COL18A1: variants seen among roughly 807,000 people sequenced by gnomAD.
COL18A1 encodes the protein collagen alpha-1(XVIII) chain.
In COL18A1, 133 loss-of-function variants were observed where a neutral mutation model predicts 168.0. The ratio of observed to expected loss-of-function variants is 0.79; its 90% CI spans 0.69 to 0.91. COL18A1 has a LOEUF of 0.91. COL18A1 is among the 40% of genes least tolerant of loss of function. COL18A1 has a pLI of 0.00. For missense variants in COL18A1, 2,126 were observed against 1,925.4 expected (o/e 1.10, Z -1.95); for synonymous variants, 949 against 809.0 (o/e 1.17, Z -2.94).
chr21:45,480,982 C>T (rs1019778917), intron 13 of COL18A1, 124 bp downstream of exon 13: 20 of 1,386,192 alleles, frequency 1.4e-5, no homozygotes, highest in Middle Eastern at 2.4e-4. Flanking sequence ...CACCTCATCT[C>T]CTCTAGGAGC....
chr21:45,437,649 CCTG>C (rs1212488668), intron 2 of COL18A1, among the ~76,000 whole-genome samples: 1 of 74,142 alleles, frequency 1.3e-5, no homozygotes, highest in Non-Finnish European at 2.5e-5. Flanking sequence ...CAGGCACTCT[CCTG>C]CACACACACA....
chr21:45,504,280 A>G, intron 33 of COL18A1, 136 bp from the exon 34 acceptor site: 1 of 954,994 alleles, frequency 1.0e-6, no homozygotes, highest in Non-Finnish European at 1.6e-6. Context: ...GTCGAGCCCT[A>G]TTCTATGCAG....
rs543505298 is a variant in COL18A1, at chr21:45,472,019, C to T, written c.652-1876C>T. On this transcript the variant is annotated intron_variant, in intron 3 of 41. Transcript: ENST00000651438. ...CCCCCACCCAGGCACCCTGTAGCCC[C>T]GTGCAGGAGGCGTCGGCCCCTCGGG... Among the ~76,000 whole-genome samples, 5 of 152,174 alleles carry T rather than the reference C, an allele frequency of 3.3e-5. No homozygotes were observed. The South Asian group carries it at 1.0e-3, about 31-fold the overall frequency.
chr21:45,458,652 A>T (rs1439111003), intron 2 of COL18A1, among the ~76,000 whole-genome samples: 2 of 152,128 alleles, frequency 1.3e-5, no homozygotes, highest in Admixed American at 1.3e-4. Context: ...GACTGGAGGG[A>T]CCCGGGTCCG....
intron 33 of COL18A1, 44 bp from the exon 34 acceptor site, chr21:45,504,372 G>A (rs756858761): frequency 2.5e-6 from 4 of 1,591,412 alleles, no homozygotes; most frequent in Non-Finnish European, 3.4e-6. Flanking sequence ...CCTGTGGCTT[G>A]TAGGGGTTCA....
At position 45,468,865 on chromosome 21, in the gene COL18A1, C is replaced by T. The variant is rs891806664; in HGVS notation, c.651+79C>T. ...GTGGGGGTGGCCACTGGGACAGGGA[C>T]GGAGCTGTGGCCGGAAGAGGAGAGC... is the stretch of plus-strand genomic sequence containing the variant. On this transcript the variant is annotated intron_variant, in intron 3 of 41. Transcript: ENST00000651438. 3.7e-5 allele frequency: 51 copies of T among 1,387,252 alleles called. 1 individual carries two copies. The South Asian group carries it at 4.0e-4, about 11-fold the overall frequency. The allele number at this position is 1,387,252 out of a possible 1,614,324, so 85.9% of individuals were successfully genotyped here. A position where few individuals can be genotyped will look rare whatever the true frequency, so the allele number is the denominator to read the frequency against.
intron 9 of COL18A1, among the ~76,000 whole-genome samples, chr21:45,479,463 G>A (rs1256138776): frequency 1.3e-5 from 2 of 151,960 alleles, no homozygotes; most frequent in Non-Finnish European, 2.9e-5. Context: ...CATACCACAC[G>A]TGGATACACA....
At chr21:45,488,387 C>T (rs1407028769) in intron 17 of COL18A1, 31 bp from the exon 18 acceptor site, 4 of 1,613,630 alleles carry the variant, frequency 2.5e-6, no homozygotes, top group South Asian at 1.1e-5. Flanking sequence ...CCTCCAGCTG[C>T]ACTAACACTG....
Position 45,455,910 on chromosome 21 carries a change from T to C in COL18A1, c.107-12332T>C, listed in dbSNP as rs979909932. 1 of 1,613,080 alleles carries C rather than the reference T, an allele frequency of 6.2e-7. No individual in the cohort carries two copies. Among genetic ancestry groups the C allele is most frequent in the Non-Finnish European group, 8.5e-7 (1 of 1,180,016 alleles). On this transcript the variant is annotated intron_variant, in intron 2 of 41. Transcript: ENST00000651438. Reference sequence around the variant, plus strand: ...AAAGGCATCCGGAGCTTCGTCCAGCTGTGGAATGACACTGTCCCCACTGAG... The same window carrying C: ...AAAGGCATCCGGAGCTTCGTCCAGCCGTGGAATGACACTGTCCCCACTGAG...
chr21:45,494,284 G>A lies in COL18A1; in HGVS notation c.2353-261G>A, dbSNP rs546496601. 309 of 499,010 alleles carry A rather than the reference G, an allele frequency of 6.2e-4. 3 individuals are homozygous for A. Among genetic ancestry groups the A allele is most frequent in the Middle Eastern group, 3.6e-3 (6 of 1,682 alleles). The allele number at this position is 499,010 out of a possible 1,614,324, so 30.9% of individuals were successfully genotyped here. ...CCCTCCACCCCTGCTTCAGGGTCCC[G>A]GGGCATGCATGCACGCACCAACCTG... On this transcript the variant is annotated intron_variant, in intron 26 of 41. Transcript: ENST00000651438.
At chr21:45,419,215 A>G (rs1180196005) in intron 2 of COL18A1, among the ~76,000 whole-genome samples, 1 of 151,918 alleles carries the variant, frequency 6.6e-6, no homozygotes, top group East Asian at 1.9e-4. Flanking sequence ...GTGTGTGGTG[A>G]CGTGCAGTTC....
intron 32 of COL18A1, among the ~76,000 whole-genome samples, chr21:45,503,738 T>A (rs74648294): frequency 0.059 from 9,036 of 151,904 alleles, 388 homozygotes; most frequent in Admixed American, 0.13. Context: ...TATACATATG[T>A]AACTAACCTG....
chr21:45,456,564 G>A (rs1473243526), intron 2 of COL18A1: 1 of 1,545,896 alleles, frequency 6.5e-7, no homozygotes, highest in Non-Finnish European at 8.7e-7. Flanking sequence ...CCAGTCTGCG[G>A]CCACCTGGGC....
intron 2 of COL18A1, chr21:45,467,555 C>T (rs927988809): frequency 1.0e-5 from 6 of 595,720 alleles, no homozygotes; most frequent in African/African-American, 1.0e-4. Context: ...TGACCGACAG[C>T]GCTGGGTGAA....
chr21:45,411,772 G>T lies in COL18A1; in HGVS notation c.106+6299G>T, dbSNP rs1189090039. Reference sequence around the variant, plus strand: ...CAGGGCTGATGGCGGGGGGTGGGGGGGGGGCAGGCTGTGGTCAGGGACCTG... The same window carrying T: ...CAGGGCTGATGGCGGGGGGTGGGGGTGGGGCAGGCTGTGGTCAGGGACCTG... On this transcript the variant is annotated intron_variant, in intron 2 of 41. Transcript: ENST00000651438. Among the ~76,000 whole-genome samples, 4 of 135,404 alleles carry T rather than the reference G, an allele frequency of 3.0e-5. 1 individual carries two copies. The highest frequency in any genetic ancestry group is 5.5e-4 in the South Asian group (2 of 3,610). 88.8% of individuals were successfully genotyped at this position (135,404 alleles called of 152,430 possible). A position where few individuals can be genotyped will look rare whatever the true frequency, so the allele number is the denominator to read the frequency against.
rs1479875471 is a variant in COL18A1, at chr21:45,512,512, C to T, written c.*114C>T. 8.8e-6 allele frequency: 8 copies of T among 908,338 alleles called. No individual in the cohort carries two copies. The East Asian group carries it at 1.0e-4, about 12-fold the overall frequency. The allele number at this position is 908,338 out of a possible 1,614,324, so 56.3% of individuals were successfully genotyped here. ...CCCAGGACCTGGCTGCCATACTTTCCTGTATAGTTCACGTTTCATGTAATC... is the reference window on the plus strand; with the variant it reads ...CCCAGGACCTGGCTGCCATACTTTCTTGTATAGTTCACGTTTCATGTAATC... On this transcript the variant is annotated 3_prime_UTR_variant, in exon 42 of 42. Transcript: ENST00000651438.
At chr21:45,456,654 G>C (rs1568881798) in intron 2 of COL18A1, 3 of 1,535,218 alleles carry the variant, frequency 2.0e-6, no homozygotes, top group Admixed American at 3.9e-5. Flanking sequence ...GCGTGGGGGG[G>C]CCTGCTGCAG....
rs59046674 is a variant in COL18A1, at chr21:45,473,008, G to A, written c.652-887G>A. Among the ~76,000 whole-genome samples, 738 of 152,334 alleles carry A rather than the reference G, an allele frequency of 4.8e-3. 1 individual carries two copies. Among genetic ancestry groups the A allele is most frequent in the African/African-American group, 0.017 (702 of 41,584 alleles). On this transcript the variant is annotated intron_variant, in intron 3 of 41. Coordinates refer to ENST00000651438, the MANE Select transcript of COL18A1 (RefSeq NM_001379500.1). This position sits in a 1 kb window ranked among gnomAD's most constrained non-coding sequence, Gnocchi z 4.0. Reference sequence around the variant, plus strand: ...GGAGCCCCAGGCTCCAGCTGGCCTCGCTTGGCTCTGAAATCTAGGCCAGGA... The same window carrying A: ...GGAGCCCCAGGCTCCAGCTGGCCTCACTTGGCTCTGAAATCTAGGCCAGGA...
chr21:45,428,629 C>T (rs898885508), intron 2 of COL18A1, among the ~76,000 whole-genome samples: 4 of 152,176 alleles, frequency 2.6e-5, no homozygotes, highest in Non-Finnish European at 4.4e-5. Context: ...ACGCAGCCAC[C>T]GCCCGGCCCC....
Sources: allele counts gnomAD v4.1 joint callset (sites outside exome capture counted in the v4.1 genomes callset), GRCh38; gene constraint gnomAD v4.1.1; non-coding constraint Gnocchi (gnomAD v3.1); transcripts MANE v1.5; gene names NCBI Gene and HGNC (gene_info 2026-07-23, HGNC 2026-07-21).